Variants in TRIM24 observed in about 807,000 individuals in gnomAD.
TRIM24 encodes transcription intermediary factor 1-alpha.
In TRIM24, 29 loss-of-function variants were observed where a neutral mutation model predicts 123.9. The observed-to-expected ratio is 0.23, with a 90% confidence interval of 0.17 to 0.32. TRIM24 has a LOEUF of 0.32. Among genes scored for constraint, TRIM24 ranks in the 10% least tolerant of loss-of-function variants. The pLI is 1.00. For synonymous variants in TRIM24, 456 were observed against 461.1 expected, an observed-to-expected ratio of 0.99 and a Z score of 0.14; for missense variants, 932 against 1,295.3, an observed-to-expected ratio of 0.72 and a Z score of 4.31.
rs532339774 is a variant in TRIM24 at position 138,574,380 on chromosome 7, C to T, written c.2014+738C>T. On this transcript the variant is annotated intron_variant, in intron 12 of 18. Transcript: ENST00000343526. Reference sequence around the variant, plus strand: ...TGAAAAGAGAATTTAAGTCACTCAACAGTCACATGAACACAATTTAAATGG... The same window carrying T: ...TGAAAAGAGAATTTAAGTCACTCAATAGTCACATGAACACAATTTAAATGG... Among the ~76,000 whole-genome samples, 3 of 152,336 alleles carry T rather than the reference C, an allele frequency of 2.0e-5. No individual in the cohort carries two copies. In the South Asian group the frequency reaches 6.2e-4, roughly 32 times the overall value.
chr7:138,519,195 T>C lies in TRIM24; in HGVS notation c.638T>C (p.Val213Ala), dbSNP rs970860804. Residue 213 changes from valine (V) to alanine (A), a missense_variant, in exon 4 of 19, where the codon GTT becomes GCT. Around this residue, in one of 7 missense-constraint regions of TRIM24, gnomAD observed 74 missense variants for 163.6 expected, o/e 0.45. Transcript: ENST00000343526. ...TCTCCCATTGTTTCTGCAGAGGCAG[T>C]TGGTGTCACCAGCCAGCGACCAGTG... Reference protein sequence around the residue: ...RQKEEVSPEAVGVTSQRPVFC... With the variant: ...RQKEEVSPEAAGVTSQRPVFC... 6.2e-7 allele frequency: 1 copy of C among 1,614,036 alleles called. No individual in the cohort carries two copies. Among genetic ancestry groups the C allele is most frequent in the Non-Finnish European group, 8.5e-7 (1 of 1,179,998 alleles).
At chr7:138,475,229 G>A (rs1319538937) in intron 1 of TRIM24, among the ~76,000 whole-genome samples, 1 of 152,064 alleles carries the variant, frequency 6.6e-6, no homozygotes, top group African/African-American at 2.4e-5. Flanking sequence ...TTATACTAGG[G>A]AATCAAAAGA....
chr7:138,548,652 C>T (rs1332483493), intron 7 of TRIM24, among the ~76,000 whole-genome samples: 2 of 152,136 alleles, frequency 1.3e-5, no homozygotes, highest in East Asian at 3.8e-4. Flanking sequence ...TTAAGGAAAG[C>T]TTACCGTAAC....
intron 17 of TRIM24, among the ~76,000 whole-genome samples, chr7:138,582,522 A>AC (rs1283189153): frequency 4.0e-5 from 6 of 150,206 alleles, no homozygotes; most frequent in Admixed American, 6.6e-5. Context: ...AGCCTGGGCA[A>AC]AAGAGCAAGA....
chr7:138,463,232 C>T (rs1795052388), intron 1 of TRIM24, among the ~76,000 whole-genome samples: 1 of 150,512 alleles, frequency 6.6e-6, no homozygotes, highest in Non-Finnish European at 1.5e-5. Context: ...GTTTTTCCTT[C>T]CTTCCTTCCT....
At chr7:138,575,102 T>C (rs897391777) in intron 12 of TRIM24, among the ~76,000 whole-genome samples, 2 of 152,204 alleles carry the variant, frequency 1.3e-5, no homozygotes, top group Non-Finnish European at 2.9e-5. Flanking sequence ...GACTACTGTT[T>C]AGTGAAAACA....
intron 7 of TRIM24, among the ~76,000 whole-genome samples, chr7:138,549,122 T>C (rs112454820): frequency 0.018 from 2,788 of 152,314 alleles, 71 homozygotes; most frequent in African/African-American, 0.061. Flanking sequence ...TTTACACCAG[T>C]ATCACCATAA....
At chr7:138,574,040 T>TG (rs1218814990) in intron 12 of TRIM24, among the ~76,000 whole-genome samples, 4 of 152,232 alleles carry the variant, frequency 2.6e-5, no homozygotes, top group African/African-American at 9.6e-5. Flanking sequence ...CCCAAAGCTT[T>TG]GGGATTACAG....
intron 9 of TRIM24, among the ~76,000 whole-genome samples, chr7:138,558,921 C>T (rs1797370250): frequency 6.6e-6 from 1 of 152,184 alleles, no homozygotes; most frequent in African/African-American, 2.4e-5. Flanking sequence ...CCTAGAGGAA[C>T]AAACGGGGCA....
intron 1 of TRIM24, among the ~76,000 whole-genome samples, chr7:138,475,854 A>C (rs1795384941): frequency 6.6e-6 from 1 of 152,110 alleles, no homozygotes; most frequent in Admixed American, 6.6e-5. Flanking sequence ...AAATCGAAAA[A>C]CTCAAAGATT....
intron 14 of TRIM24, among the ~76,000 whole-genome samples, chr7:138,578,563 T>TGTGTGTGTGCGCGCGCGC (rs145011901): frequency 2.8e-5 from 4 of 144,990 alleles, no homozygotes; most frequent in African/African-American, 1.0e-4. Flanking sequence ...TGTGTGTGTG[T>TGTGTGTGTGCGCGCGCGC]GCGCGCACGC....
intron 9 of TRIM24, among the ~76,000 whole-genome samples, chr7:138,563,380 C>T (rs2116654144): frequency 6.6e-6 from 1 of 152,322 alleles, no homozygotes; most frequent in East Asian, 1.9e-4. Flanking sequence ...GCTTATCTAA[C>T]CTCAGCCGGC....
At chr7:138,470,576 T>C (rs549985276) in intron 1 of TRIM24, among the ~76,000 whole-genome samples, 1 of 152,346 alleles carries the variant, frequency 6.6e-6, no homozygotes, top group East Asian at 1.9e-4. Context: ...GGAAGTCCCA[T>C]ATGGAGGCTG....
In TRIM24 at chr7:138,529,099, C is replaced by T; in HGVS notation, c.882-17C>T. 6.9e-7 allele frequency: 1 copy of T among 1,457,964 alleles called. No individual in the cohort carries two copies. The highest frequency in any genetic ancestry group is 9.2e-7 in the Non-Finnish European group (1 of 1,082,822). 90.3% of individuals were successfully genotyped at this position (1,457,964 alleles called of 1,614,324 possible). On this transcript the variant is annotated splice_polypyrimidine_tract_variant and intron_variant, in intron 5 of 18. Coordinates refer to ENST00000343526, the MANE Select transcript of TRIM24 (RefSeq NM_015905.3). ...ACAAAAAAACTGCCTTATGTTTTTCCCCGTTTTAATTTTCAGAATTATTGA... is the reference window on the plus strand; with the variant it reads ...ACAAAAAAACTGCCTTATGTTTTTCTCCGTTTTAATTTTCAGAATTATTGA...
At chr7:138,556,273 T>C (rs1268588506) in intron 9 of TRIM24, 1 of 152,220 alleles carries the variant, frequency 6.6e-6, no homozygotes, top group Non-Finnish European at 1.5e-5. Flanking sequence ...CTACAGAATT[T>C]CACTTGCTTA....
chr7:138,519,066 G>C, intron 3 of TRIM24, 123 bp from the exon 4 acceptor site: 1 of 1,124,794 alleles, frequency 8.9e-7, no homozygotes, highest in Non-Finnish European at 1.3e-6. Flanking sequence ...GAAAGTTATG[G>C]TATAGTATAG....
At chr7:138,545,917 A>T (rs1021947241) in intron 7 of TRIM24, among the ~76,000 whole-genome samples, 1 of 152,242 alleles carries the variant, frequency 6.6e-6, no homozygotes, top group Non-Finnish European at 1.5e-5. Flanking sequence ...ATGAATTCAT[A>T]ACATAAATCA....
Position 138,580,632 on chromosome 7 carries a change from A to C in TRIM24, c.2656A>C (p.Ser886Arg), listed in dbSNP as rs1411203055. The C allele has an allele frequency of 6.2e-7, 1 of 1,613,898 alleles. No individual in the cohort carries two copies. The highest frequency in any genetic ancestry group is 1.7e-5 in the Admixed American group (1 of 60,020). Residue 886 changes from serine to arginine, a missense_variant, in exon 16 of 19, where the codon AGT (serine) becomes CGT (arginine). By Grantham distance (110) the Ser-to-Arg change is moderately radical. This residue lies in a region of TRIM24 where 45 missense variants were observed against 56.6 expected (regional missense o/e 0.80). Transcript: ENST00000343526. ...AGTTGAATATGATTGTGATGCTCCC[A>C]GTCACAACTCAGAAAAAAAGAAAAC... ...PEVEYDCDAP[S>R]HNSEKKKTEG...
intron 6 of TRIM24, among the ~76,000 whole-genome samples, chr7:138,530,243 T>A (rs186165101): frequency 3.6e-3 from 553 of 151,618 alleles, no homozygotes; most frequent in African/African-American, 0.012. Context: ...AAAAAAAAAA[T>A]TTAAGTACAA....
Sources: allele counts gnomAD v4.1 joint callset (sites outside exome capture counted in the v4.1 genomes callset), GRCh38; gene constraint gnomAD v4.1.1; regional missense constraint gnomAD v4.1.1; transcripts MANE v1.5; gene names NCBI Gene and HGNC (gene_info 2026-07-23, HGNC 2026-07-21).